The following ANKRD12 variants were observed in gnomAD, a reference collection of about 807,000 sequenced individuals.
The protein encoded by ANKRD12 is ankyrin repeat domain 12, also known as ankyrin repeat domain-containing protein 12.
A neutral mutation model predicts 183.4 loss-of-function variants in ANKRD12; 85 were observed. That is an observed-to-expected ratio of 0.46 (90% CI 0.39 to 0.56). ANKRD12 has a LOEUF of 0.56. Ranked by LOEUF, ANKRD12 falls within the 20% of genes least tolerant of loss-of-function variation. ANKRD12 has a pLI of 0.00. For synonymous variants in ANKRD12, 914 were observed against 800.2 expected (o/e 1.14, Z -2.40); for missense variants, 2,405 against 2,357.1 (o/e 1.02, Z -0.42).
intron 5 of ANKRD12, among the ~76,000 whole-genome samples, chr18:9,209,894 A>G (rs1474530819): frequency 6.6e-6 from 1 of 152,170 alleles, no homozygotes; most frequent in Non-Finnish European, 1.5e-5. Context: ...AAAGTCTTTC[A>G]TCTCCAATCA....
chr18:9,190,517 A>G (rs1395829904), intron 2 of ANKRD12, among the ~76,000 whole-genome samples: 1 of 152,204 alleles, frequency 6.6e-6, no homozygotes, highest in African/African-American at 2.4e-5. Flanking sequence ...TCCAATTTGA[A>G]AAGAAGTTCT....
chr18:9,278,783 CAA>C (rs567385765), intron 11 of ANKRD12, among the ~76,000 whole-genome samples: 1 of 136,526 alleles, frequency 7.3e-6, no homozygotes, highest in Non-Finnish European at 1.6e-5. Flanking sequence ...GACTCCATCT[CAA>C]AAAAAAAAAA....
Position 9,228,445 on chromosome 18 carries a change from A to G in ANKRD12, c.943+6446A>G, listed in dbSNP as rs1406643623. ...ATTTACATTCCCACTAACAGTGTAA[A>G]AGAGGTTCCCTTTTCTCCACACCCT... On this transcript the variant is annotated intron_variant, in intron 8 of 12. Coordinates refer to ENST00000262126, the MANE Select transcript of ANKRD12 (RefSeq NM_015208.5). Among the ~76,000 whole-genome samples, 5 of 152,162 alleles carry G rather than the reference A, an allele frequency of 3.3e-5. No individual in the cohort carries two copies. In the East Asian group the frequency reaches 9.6e-4, roughly 29 times the overall value.
chr18:9,218,692 C>A (rs2036251685), intron 7 of ANKRD12, among the ~76,000 whole-genome samples: 1 of 147,694 alleles, frequency 6.8e-6, no homozygotes, highest in Admixed American at 6.8e-5. Context: ...TTTTTTGAGA[C>A]AGCATCTTGC....
Position 9,255,782 on chromosome 18 carries a change from A to C in ANKRD12, c.2515A>C (p.Lys839Gln). ...AAAGGACATTGAGAAGATGGAAAGA[A>C]AAACCTTTGAAAAAGAAAAGAAGAT... ...KEKDIEKMER[K>Q]TFEKEKKIKH... The change falls in exon 9 of 13, where the codon AAA becomes CAA. Residue 839 changes from lysine (K) to glutamine (Q), a missense_variant. Physicochemically the swap from Lys to Gln is moderately conservative, Grantham distance 53. Coordinates refer to ENST00000262126, the MANE Select transcript of ANKRD12 (RefSeq NM_015208.5). 1 of 1,577,150 alleles carries C rather than the reference A, an allele frequency of 6.3e-7. No homozygotes were observed. Among genetic ancestry groups the C allele is most frequent in the Non-Finnish European group, 8.5e-7 (1 of 1,170,582 alleles).
In ANKRD12 at chr18:9,269,432, A is replaced by G. The variant is rs560826890; in HGVS notation, c.5763+5544A>G. ...GGTACCAAAACAGAGATACAGACCAATGGAACAGAACAGAGCCCTCAGAAA... is the reference window on the plus strand; with the variant it reads ...GGTACCAAAACAGAGATACAGACCAGTGGAACAGAACAGAGCCCTCAGAAA... On this transcript the variant is annotated intron_variant, in intron 10 of 12. Transcript: ENST00000262126. 5.3e-5 allele frequency among the ~76,000 whole-genome samples: 8 copies of G among 152,336 alleles called. No individual in the cohort carries two copies. In the South Asian group the frequency reaches 1.0e-3, roughly 20 times the overall value.
intron 1 of ANKRD12, among the ~76,000 whole-genome samples, chr18:9,163,048 A>G (rs987140368): frequency 2.0e-5 from 3 of 152,150 alleles, no homozygotes; most frequent in African/African-American, 7.2e-5. Flanking sequence ...TAGTTTAATT[A>G]GATCCCATTT....
At chr18:9,137,389 C>T (rs2143188893) in intron 1 of ANKRD12, among the ~76,000 whole-genome samples, 1 of 146,638 alleles carries the variant, frequency 6.8e-6, no homozygotes, top group African/African-American at 2.4e-5. Flanking sequence ...CTGCCGCCGC[C>T]TCCCGGAACA....
chr18:9,159,125 C>T (rs1430703231), intron 1 of ANKRD12, among the ~76,000 whole-genome samples: 1 of 152,150 alleles, frequency 6.6e-6, no homozygotes, highest in Non-Finnish European at 1.5e-5. Flanking sequence ...TCTCCTTTTA[C>T]TGAGAAAGGT....
In ANKRD12 at chr18:9,255,796, A is replaced by G; in HGVS notation, c.2529A>G (p.Lys843=). 1 of 1,575,532 alleles carries G rather than the reference A, an allele frequency of 6.3e-7. No homozygotes were observed. Among genetic ancestry groups the G allele is most frequent in the Non-Finnish European group, 8.5e-7 (1 of 1,169,976 alleles). ...AGATGGAAAGAAAAACCTTTGAAAA[A>G]GAAAAGAAGATAAAACATGAGCATA... ...IEKMERKTFE[K]EKKIKHEHKS... Residue 843 remains lysine, a synonymous_variant, in exon 9 of 13, where the codon AAA becomes AAG. Transcript: ENST00000262126.
At chr18:9,276,383 TA>T (rs904521945) in intron 11 of ANKRD12, among the ~76,000 whole-genome samples, 1 of 152,032 alleles carries the variant, frequency 6.6e-6, no homozygotes, top group Non-Finnish European at 1.5e-5. Context: ...TTCTCATCTA[TA>T]AAAAAATCAA....
chr18:9,256,522 C>T lies in ANKRD12; in HGVS notation c.3255C>T (p.Ser1085=), dbSNP rs370405187. 3 of 1,607,008 alleles carry T rather than the reference C, an allele frequency of 1.9e-6. No homozygotes were observed. Among genetic ancestry groups the T allele is most frequent in the African/African-American group, 2.7e-5 (2 of 74,332 alleles). ...LMQTSFERML[S]LKDLEIEQWH... Reference sequence around the variant, plus strand: ...AGACAAGTTTTGAACGAATGCTAAGCCTTAAAGACCTAGAAATAGAACAGT... The same window carrying T: ...AGACAAGTTTTGAACGAATGCTAAGTCTTAAAGACCTAGAAATAGAACAGT... Residue 1085 remains serine, a synonymous_variant, in exon 9 of 13, where the codon AGC becomes AGT. Transcript: ENST00000262126.
chr18:9,244,374 G>A (rs2037834027), intron 8 of ANKRD12, among the ~76,000 whole-genome samples: 1 of 151,746 alleles, frequency 6.6e-6, no homozygotes, highest in Admixed American at 6.6e-5. Flanking sequence ...TTTTTGAGAT[G>A]AGGTCTTGCT....
At chr18:9,229,094 T>C (rs1271723104) in intron 8 of ANKRD12, among the ~76,000 whole-genome samples, 4 of 152,144 alleles carry the variant, frequency 2.6e-5, no homozygotes, top group Non-Finnish European at 4.4e-5. Flanking sequence ...TGTATGTTGG[T>C]GGCTTTATCA....
intron 3 of ANKRD12, among the ~76,000 whole-genome samples, chr18:9,199,133 A>G (rs1310724981): frequency 6.6e-6 from 1 of 152,098 alleles, no homozygotes; most frequent in African/African-American, 2.4e-5. Context: ...TATCTATAAG[A>G]AAATTAAAAA....
chr18:9,139,055 TA>T (rs2078227540), intron 1 of ANKRD12, among the ~76,000 whole-genome samples: 1 of 152,210 alleles, frequency 6.6e-6, no homozygotes, highest in Non-Finnish European at 1.5e-5. Context: ...TAGTAGTTGG[TA>T]AGAATTAGTT....
chr18:9,143,435 C>T (rs2078387894), intron 1 of ANKRD12, among the ~76,000 whole-genome samples: 1 of 152,088 alleles, frequency 6.6e-6, no homozygotes, highest in Non-Finnish European at 1.5e-5. Context: ...TTTGTAAAAA[C>T]ATCTCAGGAG....
chr18:9,153,927 CTG>C (rs1441171023), intron 1 of ANKRD12, among the ~76,000 whole-genome samples: 1 of 151,984 alleles, frequency 6.6e-6, no homozygotes, highest in Non-Finnish European at 1.5e-5. Flanking sequence ...TGTTCATACT[CTG>C]TATTGGTTCT....
At chr18:9,244,516 G>A (rs2037842766) in intron 8 of ANKRD12, among the ~76,000 whole-genome samples, 1 of 152,062 alleles carries the variant, frequency 6.6e-6, no homozygotes, top group Admixed American at 6.6e-5. Context: ...AAAAAATCCA[G>A]AATGACAGCA....
Sources: gnomAD v4.1 joint callset for allele counts (sites outside exome capture counted in the v4.1 genomes callset) on GRCh38, gnomAD v4.1.1 for gene constraint, MANE v1.5 for transcripts, NCBI Gene and HGNC (gene_info 2026-07-23, HGNC 2026-07-21) for gene names.